MNAT1: variants seen among roughly 807,000 people sequenced by gnomAD.
MNAT1 encodes the protein MNAT1 component of CDK activating kinase.
In MNAT1, 43 loss-of-function variants were observed where a neutral mutation model predicts 42.0. The ratio of observed to expected loss-of-function variants is 1.02; its 90% CI spans 0.80 to 1.32. The LOEUF is 1.32. Among genes scored for constraint, MNAT1 ranks in the 40% most tolerant of loss-of-function variants. The pLI is 0.00. For synonymous variants in MNAT1, 118 were observed against 120.0 expected (o/e 0.98, Z 0.11); for missense variants, 306 against 350.4 (o/e 0.87, Z 1.01).
At chr14:60,862,283 G>T (rs1327536677) in intron 6 of MNAT1, among the ~76,000 whole-genome samples, 3 of 152,160 alleles carry the variant, frequency 2.0e-5, no homozygotes, top group Non-Finnish European at 4.4e-5. Context: ...TATGCTTTGT[G>T]TGCTAGCTTT....
At chr14:60,828,387 A>G (rs2145537) in intron 6 of MNAT1, among the ~76,000 whole-genome samples, 151,388 of 152,300 alleles carry the variant, frequency 0.99, 75,253 homozygotes, top group East Asian at 1. Flanking sequence ...TTGAAGGTAG[A>G]GTTTGTGACT....
In MNAT1 at chr14:60,773,914, G is replaced by C. The variant is rs150791715; in HGVS notation, c.90-22303G>C. Among the ~76,000 whole-genome samples, 935 of 152,296 alleles carry C rather than the reference G, an allele frequency of 6.1e-3. 12 individuals are homozygous for C. The highest frequency in any genetic ancestry group is 0.02 in the African/African-American group (852 of 41,568). On this transcript the variant is annotated intron_variant, in intron 1 of 7. Transcript: ENST00000261245. ...AGGTAGAAGCAAAACTGGAGCTTTG[G>C]TCTTAGGGATTTTGGAAAATGAATG...
intron 1 of MNAT1, among the ~76,000 whole-genome samples, chr14:60,750,721 G>A (rs1176399572): frequency 6.6e-6 from 1 of 152,110 alleles, no homozygotes; most frequent in African/African-American, 2.4e-5. Flanking sequence ...TGCTGATTTA[G>A]GAAAAGGTCC....
chr14:60,966,019 G>T (rs1232121999), intron 7 of MNAT1, among the ~76,000 whole-genome samples: 1 of 152,146 alleles, frequency 6.6e-6, no homozygotes, highest in Non-Finnish European at 1.5e-5. Context: ...ACTTTATTGT[G>T]TCTTGGAAAG....
chr14:60,779,568 A>G (rs537048922), intron 1 of MNAT1, among the ~76,000 whole-genome samples: 90 of 152,264 alleles, frequency 5.9e-4, no homozygotes, highest in South Asian at 2.3e-3. Flanking sequence ...CAGGAGGATC[A>G]TGAGGTCAGG....
At chr14:60,879,920 T>C in intron 7 of MNAT1, 85 bp downstream of exon 7, 1 of 1,440,458 alleles carries the variant, frequency 6.9e-7, no homozygotes, top group Non-Finnish European at 9.4e-7. Context: ...CATTCTTAGA[T>C]TTTCAGTTTA....
At chr14:60,906,054 A>T (rs555621275) in intron 7 of MNAT1, among the ~76,000 whole-genome samples, 1 of 152,352 alleles carries the variant, frequency 6.6e-6, no homozygotes, top group East Asian at 1.9e-4. Context: ...CTTTTGTAAG[A>T]TGGTATTTTA....
intron 6 of MNAT1, among the ~76,000 whole-genome samples, chr14:60,872,299 A>G (rs2034342608): frequency 1.3e-5 from 2 of 152,194 alleles, no homozygotes; most frequent in Non-Finnish European, 2.9e-5. Flanking sequence ...CTCCAGTCCC[A>G]TGACCCAAAC....
intron 7 of MNAT1, among the ~76,000 whole-genome samples, chr14:60,887,053 A>G (rs1357391667): frequency 2.6e-5 from 4 of 152,132 alleles, no homozygotes; most frequent in Non-Finnish European, 5.9e-5. Flanking sequence ...TATTTTGTTG[A>G]CAGTTGTTAT....
At chr14:60,906,388 C>CT (rs2035200604) in intron 7 of MNAT1, among the ~76,000 whole-genome samples, 1 of 152,138 alleles carries the variant, frequency 6.6e-6, no homozygotes, top group Non-Finnish European at 1.5e-5. Context: ...CTAGAAAGGT[C>CT]TGTCATCAGA....
intron 1 of MNAT1, among the ~76,000 whole-genome samples, chr14:60,770,065 A>G (rs183420702): frequency 1.3e-5 from 2 of 152,272 alleles, no homozygotes; most frequent in East Asian, 3.9e-4. Context: ...TAAAACTGAA[A>G]TTCTATACCC....
chr14:60,967,195 T>C (rs2036698014), intron 7 of MNAT1, among the ~76,000 whole-genome samples: 2 of 152,210 alleles, frequency 1.3e-5, no homozygotes, highest in Admixed American at 6.5e-5. Flanking sequence ...TACACAGGTT[T>C]ATTAAACATG....
chr14:60,872,004 C>T (rs2034335480), intron 6 of MNAT1, among the ~76,000 whole-genome samples: 1 of 152,068 alleles, frequency 6.6e-6, no homozygotes, highest in African/African-American at 2.4e-5. Context: ...TTCTGGTCTG[C>T]ATTTTGTCTT....
intron 5 of MNAT1, among the ~76,000 whole-genome samples, chr14:60,814,986 A>G (rs1296220348): frequency 6.6e-6 from 1 of 152,166 alleles, no homozygotes; most frequent in Non-Finnish European, 1.5e-5. Context: ...TATAGTTACT[A>G]ATTATAATTG....
chr14:60,802,954 A>G (rs1048680259), intron 3 of MNAT1, among the ~76,000 whole-genome samples: 22 of 135,536 alleles, frequency 1.6e-4, no homozygotes, highest in African/African-American at 5.9e-4. Context: ...TTTTTTTGAG[A>G]CGGAGTTTCG....
chr14:60,748,069 A>G (rs1474282348), intron 1 of MNAT1, among the ~76,000 whole-genome samples: 2 of 151,924 alleles, frequency 1.3e-5, no homozygotes, highest in African/African-American at 4.8e-5. Context: ...GGTGGCACCC[A>G]CCTGTAGTCC....
chr14:60,903,913 C>T (rs1364187278), intron 7 of MNAT1, among the ~76,000 whole-genome samples: 1 of 142,436 alleles, frequency 7.0e-6, no homozygotes, highest in Admixed American at 7.4e-5. Context: ...CTCTCTGTCG[C>T]CTGGCTGGAG....
intron 1 of MNAT1, among the ~76,000 whole-genome samples, chr14:60,789,234 T>C (rs2140320626): frequency 6.6e-6 from 1 of 152,228 alleles, no homozygotes; most frequent in South Asian, 2.1e-4. Context: ...GGTGAAGCAG[T>C]TGGAGTACAT....
intron 1 of MNAT1, among the ~76,000 whole-genome samples, chr14:60,749,418 G>A (rs775222344): frequency 6.6e-6 from 1 of 151,992 alleles, no homozygotes; most frequent in Non-Finnish European, 1.5e-5. Context: ...TTTTTCTGCT[G>A]TGGGCATAAA....
Sources: gnomAD v4.1 joint callset for allele counts (sites outside exome capture counted in the v4.1 genomes callset) on GRCh38, gnomAD v4.1.1 for gene constraint, MANE v1.5 for transcripts, NCBI Gene and HGNC (gene_info 2026-07-23, HGNC 2026-07-21) for gene names.